Variants in TSHZ2 observed in about 807,000 individuals in gnomAD.
TSHZ2 encodes teashirt zinc finger homeobox 2.
A neutral mutation model predicts 74.4 loss-of-function variants in TSHZ2; 21 were observed. The observed-to-expected ratio is 0.28, with a 90% confidence interval of 0.20 to 0.41. TSHZ2 has a LOEUF of 0.41. Ranked by LOEUF, TSHZ2 falls within the 10% of genes least tolerant of loss-of-function variation. The pLI, the probability that TSHZ2 is intolerant of heterozygous loss-of-function variation, is 1.00. For synonymous variants in TSHZ2, 540 were observed against 515.3 expected (o/e 1.05, Z -0.65); for missense variants, 1,244 against 1,293.5 (o/e 0.96, Z 0.59).
At position 52,982,968 on chromosome 20, in the gene TSHZ2, G is replaced by A. The variant is rs1600628870; in HGVS notation, c.40+9635G>A. 2.6e-5 allele frequency among the ~76,000 whole-genome samples: 4 copies of A among 152,204 alleles called. No individual in the cohort carries two copies. In the South Asian group the frequency reaches 8.3e-4, roughly 32 times the overall value. ...CATAGGTCCTGTTTGTATTTCAAAA[G>A]TGATGATGGACTTGGGCATGTTTGC... On this transcript the variant is annotated intron_variant, in intron 1 of 2. Coordinates refer to ENST00000371497, the MANE Select transcript of TSHZ2 (RefSeq NM_173485.6).
rs1043530247 is a variant in TSHZ2 at position 53,074,758 on chromosome 20, G to A, written c.40+101425G>A. On this transcript the variant is annotated intron_variant, in intron 1 of 2. Transcript: ENST00000371497. The surrounding 1 kb of genome is among the most constrained non-coding windows in gnomAD (Gnocchi z 5.9). ...TTCAGGCACATCTACTCTGTGCCAG[G>A]GAAGGTGCTGAAGGAACTAGCATGT... is the stretch of plus-strand genomic sequence containing the variant. Among the ~76,000 whole-genome samples, 1 of 152,118 alleles carries A rather than the reference G, an allele frequency of 6.6e-6. No individual in the cohort carries two copies. Among genetic ancestry groups the A allele is most frequent in the Non-Finnish European group, 1.5e-5 (1 of 68,024 alleles).
intron 1 of TSHZ2, among the ~76,000 whole-genome samples, chr20:53,151,285 A>G (rs1600713824): frequency 6.6e-6 from 1 of 152,346 alleles, no homozygotes; most frequent in East Asian, 1.9e-4. Flanking sequence ...GAATGGACTA[A>G]GTAAAGAAAT....
At chr20:53,309,420 C>T (rs939893669) in intron 2 of TSHZ2, among the ~76,000 whole-genome samples, 3 of 149,730 alleles carry the variant, frequency 2.0e-5, no homozygotes, top group Non-Finnish European at 4.4e-5. Context: ...GGAAGAGAAG[C>T]AAAGAGAAAG....
rs1171491485 is a variant in TSHZ2 at position 53,454,768 on chromosome 20, T to G, written c.*9-32376T>G. 3.3e-5 allele frequency among the ~76,000 whole-genome samples: 5 copies of G among 152,190 alleles called. 1 individual carries two copies. The highest frequency in any genetic ancestry group is 4.2e-4 in the South Asian group (2 of 4,814). Reference sequence around the variant, plus strand: ...GTTTCTTTTGAGTAAACATAGAAATTGACTCTCCCAGTCAATTTGAGAAAG... The same window carrying G: ...GTTTCTTTTGAGTAAACATAGAAATGGACTCTCCCAGTCAATTTGAGAAAG... On this transcript the variant is annotated intron_variant, in intron 2 of 2. Coordinates refer to ENST00000371497, the MANE Select transcript of TSHZ2 (RefSeq NM_173485.6).
chr20:53,045,062 A>C (rs1984178721), intron 1 of TSHZ2, among the ~76,000 whole-genome samples: 2 of 152,178 alleles, frequency 1.3e-5, no homozygotes. Flanking sequence ...GGTGACAAAG[A>C]AAAATCCCCA....
chr20:53,047,053 T>C (rs1984255656), intron 1 of TSHZ2, among the ~76,000 whole-genome samples: 1 of 152,178 alleles, frequency 6.6e-6, no homozygotes, highest in Non-Finnish European at 1.5e-5. Context: ...TGAAGACACA[T>C]GTGAACACAA....
intron 2 of TSHZ2, among the ~76,000 whole-genome samples, chr20:53,432,075 G>T (rs528139156): frequency 6.6e-6 from 1 of 152,090 alleles, no homozygotes; most frequent in Non-Finnish European, 1.5e-5. Context: ...TTAGTGCATT[G>T]GTCACCCGAG....
intron 2 of TSHZ2, among the ~76,000 whole-genome samples, chr20:53,315,372 C>A (rs562188784): frequency 1.3e-5 from 2 of 152,294 alleles, no homozygotes; most frequent in South Asian, 4.1e-4. Flanking sequence ...TCTGTATTTT[C>A]TCTTGTAAAC....
At chr20:52,986,786 C>G (rs1483025488) in intron 1 of TSHZ2, among the ~76,000 whole-genome samples, 1 of 152,086 alleles carries the variant, frequency 6.6e-6, no homozygotes, top group East Asian at 1.9e-4. Context: ...CAATGTATGG[C>G]AAATGATATG....
At chr20:53,044,336 G>A (rs763071285) in intron 1 of TSHZ2, among the ~76,000 whole-genome samples, 3 of 152,220 alleles carry the variant, frequency 2.0e-5, no homozygotes, top group Admixed American at 2.0e-4. Context: ...ATTCCGCTCT[G>A]TAGCGTAGCC....
At chr20:53,226,525 A>T (rs1411808313) in intron 1 of TSHZ2, among the ~76,000 whole-genome samples, 1 of 151,990 alleles carries the variant, frequency 6.6e-6, no homozygotes, top group South Asian at 2.1e-4. Flanking sequence ...TCTCCAAAGG[A>T]CTTAGCATTG....
chr20:53,234,025 T>A (rs1274613340), intron 1 of TSHZ2, among the ~76,000 whole-genome samples: 12 of 152,206 alleles, frequency 7.9e-5, no homozygotes, highest in Admixed American at 7.9e-4. Context: ...ACAACCCGGC[T>A]GAAAGCATGG....
intron 2 of TSHZ2, among the ~76,000 whole-genome samples, chr20:53,295,481 T>G (rs1482954323): frequency 6.6e-6 from 1 of 152,112 alleles, no homozygotes; most frequent in Non-Finnish European, 1.5e-5. Flanking sequence ...AACAAAGAAA[T>G]GTTAGCTATT....
intron 1 of TSHZ2, among the ~76,000 whole-genome samples, chr20:53,246,987 A>G (rs1205514271): frequency 6.6e-6 from 1 of 152,184 alleles, no homozygotes; most frequent in Non-Finnish European, 1.5e-5. Flanking sequence ...TTTGATGACC[A>G]CCAGAAACCT....
At chr20:53,025,145 CTA>C (rs1361223451) in intron 1 of TSHZ2, among the ~76,000 whole-genome samples, 1 of 149,334 alleles carries the variant, frequency 6.7e-6, no homozygotes, top group Non-Finnish European at 1.5e-5. Flanking sequence ...GTATTAAAGA[CTA>C]TATATTATTA....
At chr20:53,230,388 CAAAT>C (rs1568824838) in intron 1 of TSHZ2, among the ~76,000 whole-genome samples, 2 of 152,094 alleles carry the variant, frequency 1.3e-5, no homozygotes, top group East Asian at 1.9e-4. Flanking sequence ...TCCTTTCCCT[CAAAT>C]AACCATTCAC....
chr20:53,121,351 A>T (rs1042290977), intron 1 of TSHZ2, among the ~76,000 whole-genome samples: 1 of 152,346 alleles, frequency 6.6e-6, no homozygotes, highest in Non-Finnish European at 1.5e-5. Flanking sequence ...AGTATTAAAA[A>T]AAAGTAAATG....
At chr20:53,230,361 C>G (rs1372633896) in intron 1 of TSHZ2, among the ~76,000 whole-genome samples, 1 of 152,070 alleles carries the variant, frequency 6.6e-6, no homozygotes, top group Non-Finnish European at 1.5e-5. Context: ...TTCTCCTTTT[C>G]CCTCTCTCCT....
At chr20:53,053,624 G>A (rs1438590151) in intron 1 of TSHZ2, among the ~76,000 whole-genome samples, 1 of 152,098 alleles carries the variant, frequency 6.6e-6, no homozygotes, top group Non-Finnish European at 1.5e-5. Context: ...TAATGGAAGA[G>A]ACTTGTGCTC....
Sources: allele counts gnomAD v4.1 joint callset (sites outside exome capture counted in the v4.1 genomes callset), GRCh38; gene constraint gnomAD v4.1.1; non-coding constraint Gnocchi (gnomAD v3.1); transcripts MANE v1.5; gene names NCBI Gene and HGNC (gene_info 2026-07-23, HGNC 2026-07-21).